TPO: variants seen among roughly 807,000 people sequenced by gnomAD.
The protein encoded by TPO is thyroid peroxidase.
TPO carries 78 observed loss-of-function variants against 96.9 expected under a neutral mutation model. That is an observed-to-expected ratio of 0.81 (90% CI 0.67 to 0.97). The LOEUF is 0.97. Ranked by LOEUF, TPO falls within the 50% of genes least tolerant of loss-of-function variation. The probability of loss-of-function intolerance (pLI) is 0.00; values close to 1 mark genes in which losing one functional copy is unlikely to be tolerated. For missense variants in TPO, 1,252 were observed against 1,274.8 expected, an observed-to-expected ratio of 0.98 and a Z score of 0.27; for synonymous variants, 547 against 538.0, an observed-to-expected ratio of 1.02 and a Z score of -0.23.
intron 2 of TPO, among the ~76,000 whole-genome samples, chr2:1,415,993 C>T (rs1209955370): frequency 6.6e-6 from 1 of 152,138 alleles, no homozygotes; most frequent in African/African-American, 2.4e-5. Flanking sequence ...TCAGGGAAGC[C>T]GTGGGGCCTC....
intron 12 of TPO, 143 bp downstream of exon 12, chr2:1,496,340 T>G: frequency 2.0e-6 from 1 of 499,410 alleles, no homozygotes; most frequent in Non-Finnish European, 3.7e-6. Flanking sequence ...GGGCAGCTCC[T>G]GGGGCGGGGC....
chr2:1,387,209 G>C lies in TPO; in HGVS notation n.180+12807G>C, dbSNP rs542179002. Among the ~76,000 whole-genome samples, 7 of 152,250 alleles carry C rather than the reference G, an allele frequency of 4.6e-5. No homozygotes were observed. The South Asian group carries it at 1.5e-3, about 32-fold the overall frequency. ...TGTGTCTTGGAGTTGCTCTTCTCGA[G>C]GAGTATCTTTGTGGTATTCTCTGTA... is the stretch of plus-strand genomic sequence containing the variant. On this transcript the variant is annotated intron_variant and non_coding_transcript_variant, in intron 1 of 5. Transcript: ENST00000497517.
chr2:1,530,882 C>G (rs1364892167), intron 15 of TPO, among the ~76,000 whole-genome samples: 2 of 105,326 alleles, frequency 1.9e-5, no homozygotes, highest in Non-Finnish European at 3.8e-5. Context: ...CTCCGCAAAT[C>G]CCCCCACTGT....
At chr2:1,447,824 C>T (rs971657645) in intron 5 of TPO, among the ~76,000 whole-genome samples, 3 of 152,140 alleles carry the variant, frequency 2.0e-5, no homozygotes, top group Non-Finnish European at 2.9e-5. Flanking sequence ...TATCATGAAT[C>T]GAGTAGCCAC....
At chr2:1,522,627 T>C (rs1675439737) in intron 15 of TPO, among the ~76,000 whole-genome samples, 1 of 152,064 alleles carries the variant, frequency 6.6e-6, no homozygotes, top group South Asian at 2.1e-4. Context: ...AATCTCTCCA[T>C]AGAATACTCC....
At chr2:1,402,686 A>G (rs888257022) in intron 1 of TPO, among the ~76,000 whole-genome samples, 6 of 152,172 alleles carry the variant, frequency 3.9e-5, no homozygotes, top group African/African-American at 1.4e-4. Context: ...TTATAAAACC[A>G]TCAGATCTCA....
At chr2:1,481,573 C>T (rs1670644113) in intron 8 of TPO, among the ~76,000 whole-genome samples, 2 of 152,128 alleles carry the variant, frequency 1.3e-5, no homozygotes, top group Admixed American at 6.5e-5. Context: ...ATCCCCATCC[C>T]GGGCAGGCAG....
In TPO at chr2:1,477,610, C is replaced by T. The variant is rs747690166; in HGVS notation, c.1338+6C>T. ...TCGTGGGCGCTCTGCACCAGGTGCG[C>T]GGGGTGGTCCTGGGCGCCCTGGGTG... On this transcript the variant is annotated splice_donor_region_variant and intron_variant, in intron 8 of 16. Coordinates refer to ENST00000329066, the MANE Select transcript of TPO (RefSeq NM_001206744.2). 1.9e-5 allele frequency: 28 copies of T among 1,510,030 alleles called. No homozygotes were observed. The highest frequency in any genetic ancestry group is 2.3e-5 in the Non-Finnish European group (26 of 1,135,260). The allele number at this position is 1,510,030 out of a possible 1,614,324, so 93.5% of individuals were successfully genotyped here.
chr2:1,501,133 C>A (rs568343187), intron 13 of TPO, among the ~76,000 whole-genome samples: 25 of 151,384 alleles, frequency 1.7e-4, no homozygotes, highest in Non-Finnish European at 3.3e-4. Context: ...ATGCTTTGTG[C>A]ATATTATGGA....
chr2:1,433,272 G>A (rs921428099), intron 3 of TPO, among the ~76,000 whole-genome samples, 166 bp from the exon 4 acceptor site: 3 of 152,086 alleles, frequency 2.0e-5, no homozygotes, highest in Admixed American at 1.3e-4. Context: ...CAGTGACCCC[G>A]TGGACAGCAA....
intron 5 of TPO, among the ~76,000 whole-genome samples, chr2:1,439,576 T>G (rs1201852530): frequency 6.6e-6 from 1 of 152,024 alleles, no homozygotes; most frequent in Non-Finnish European, 1.5e-5. Flanking sequence ...TTTTAGCCAC[T>G]TGGAGCCTAC....
intron 2 of TPO, among the ~76,000 whole-genome samples, chr2:1,418,562 CT>C (rs1663186160): frequency 2.0e-5 from 3 of 152,196 alleles, no homozygotes. Flanking sequence ...CCATTGTTGT[CT>C]AAGAGAAGTT....
At chr2:1,538,058 TCCCCC>T in intron 15 of TPO, among the ~76,000 whole-genome samples, 1 of 66,988 alleles carries the variant, frequency 1.5e-5, no homozygotes, top group Admixed American at 1.8e-4. Context: ...CCTCCTCAAA[TCCCCC>T]ACACTGTGTG....
At chr2:1,511,372 G>A (rs55734642) in intron 14 of TPO, among the ~76,000 whole-genome samples, 4 of 30 alleles carry the variant, frequency 0.13, 2 homozygotes, top group Non-Finnish European at 0.5. Context: ...GTGCCACAGC[G>A]CAGCCCTGCA....
intron 5 of TPO, among the ~76,000 whole-genome samples, chr2:1,450,277 C>T (rs1667193662): frequency 6.6e-6 from 1 of 152,206 alleles, no homozygotes; most frequent in Non-Finnish European, 1.5e-5. Context: ...CCTCAGTCCA[C>T]AGCTTTATGC....
At chr2:1,519,848 C>T (rs1051617079) in intron 15 of TPO, among the ~76,000 whole-genome samples, 1 of 152,056 alleles carries the variant, frequency 6.6e-6, no homozygotes, top group Non-Finnish European at 1.5e-5. Flanking sequence ...GTCTGTAGCC[C>T]ACACTCACAA....
At chr2:1,534,052 CTG>C (rs1678948865) in intron 15 of TPO, among the ~76,000 whole-genome samples, 1 of 88,758 alleles carries the variant, frequency 1.1e-5, no homozygotes, top group African/African-American at 3.9e-5. Context: ...AATCCCACCA[CTG>C]TGTTCAACCT....
At chr2:1,523,957 C>T (rs1300388515) in intron 15 of TPO, among the ~76,000 whole-genome samples, 22 of 121,208 alleles carry the variant, frequency 1.8e-4, no homozygotes, top group African/African-American at 6.7e-4. Context: ...TCCCAAATCC[C>T]CCCACTCTGT....
At chr2:1,476,993 G>A in intron 7 of TPO, 93 bp from the exon 8 acceptor site, 1 of 1,464,020 alleles carries the variant, frequency 6.8e-7, no homozygotes, top group Non-Finnish European at 9.1e-7. Flanking sequence ...GAAACGTGCG[G>A]CGCTGCGGGG....
Sources: allele counts gnomAD v4.1 joint callset (sites outside exome capture counted in the v4.1 genomes callset), GRCh38; gene constraint gnomAD v4.1.1; transcripts MANE v1.5; gene names NCBI Gene and HGNC (gene_info 2026-07-23, HGNC 2026-07-21).